ASTN2: variants seen among roughly 807,000 people sequenced by gnomAD.
ASTN2 encodes the protein astrotactin-2.
In ASTN2, 54 loss-of-function variants were observed where a neutral mutation model predicts 139.8. The ratio of observed to expected loss-of-function variants is 0.39; its 90% CI spans 0.31 to 0.48. The LOEUF is 0.48. ASTN2 is among the 20% of genes least tolerant of loss of function. The pLI is 0.95. For synonymous variants in ASTN2, 756 were observed against 719.5 expected (o/e 1.05, Z -0.81); for missense variants, 1,565 against 1,725.1 (o/e 0.91, Z 1.64).
At chr9:117,388,705 C>T (rs1830466505) in intron 1 of ASTN2, among the ~76,000 whole-genome samples, 1 of 152,148 alleles carries the variant, frequency 6.6e-6, no homozygotes, top group Non-Finnish European at 1.5e-5. Flanking sequence ...TCAACCACAG[C>T]CTGTGACGGC....
At chr9:117,183,949 T>C (rs1831135809) in intron 3 of ASTN2, among the ~76,000 whole-genome samples, 1 of 152,150 alleles carries the variant, frequency 6.6e-6, no homozygotes, top group Non-Finnish European at 1.5e-5. Flanking sequence ...CAGAAATTGC[T>C]TTCTCCTCTG....
chr9:116,680,603 A>C (rs1228241322), intron 16 of ASTN2, among the ~76,000 whole-genome samples: 6 of 152,258 alleles, frequency 3.9e-5, no homozygotes, highest in Non-Finnish European at 8.8e-5. Context: ...ATCCTTGATA[A>C]ACATTGATGC....
chr9:116,644,159 G>A (rs936121282), intron 17 of ASTN2, among the ~76,000 whole-genome samples: 2 of 152,226 alleles, frequency 1.3e-5, no homozygotes, highest in Non-Finnish European at 2.9e-5. Context: ...GAGGGGGTGA[G>A]ACTTGGCTGT....
At chr9:116,961,395 C>A (rs958458502) in intron 10 of ASTN2, among the ~76,000 whole-genome samples, 2 of 152,108 alleles carry the variant, frequency 1.3e-5, no homozygotes, top group Non-Finnish European at 2.9e-5. Context: ...CCCAACTCTC[C>A]GCAACCACTA....
intron 19 of ASTN2, chr9:116,546,192 A>T (rs897913251): frequency 6.6e-6 from 1 of 152,248 alleles, no homozygotes; most frequent in Non-Finnish European, 1.5e-5. Context: ...GGACTGCAGA[A>T]GTTGGGTATT....
chr9:117,006,415 C>T (rs573063051), intron 7 of ASTN2, among the ~76,000 whole-genome samples: 2 of 152,242 alleles, frequency 1.3e-5, no homozygotes, highest in East Asian at 1.9e-4. Context: ...TCTTTGACTC[C>T]ACTCTATTTC....
intron 2 of ASTN2, among the ~76,000 whole-genome samples, chr9:117,225,701 T>C (rs1459025670): frequency 1.3e-5 from 2 of 151,018 alleles, no homozygotes; most frequent in African/African-American, 4.9e-5. Flanking sequence ...CACCTACCAG[T>C]AATGGGACCT....
chr9:117,306,867 T>C (rs953318616), intron 1 of ASTN2, among the ~76,000 whole-genome samples: 1 of 152,102 alleles, frequency 6.6e-6, no homozygotes, highest in Admixed American at 6.5e-5. Context: ...CTAATTCCTA[T>C]CTACTATGTG....
chr9:116,850,421 A>T (rs1536426), intron 11 of ASTN2, among the ~76,000 whole-genome samples: 126,216 of 152,076 alleles, frequency 0.83, 52,531 homozygotes, highest in East Asian at 0.96. Flanking sequence ...CTGGGAAGCC[A>T]GACCCCAGAA....
At chr9:116,558,706 T>C (rs1852757528) in intron 19 of ASTN2, among the ~76,000 whole-genome samples, 1 of 152,194 alleles carries the variant, frequency 6.6e-6, no homozygotes, top group Admixed American at 6.5e-5. Flanking sequence ...ATTCAGCTCA[T>C]CCTCAATCTT....
chr9:116,592,284 G>A (rs1405247822), intron 19 of ASTN2, among the ~76,000 whole-genome samples: 1 of 152,152 alleles, frequency 6.6e-6, no homozygotes, highest in Non-Finnish European at 1.5e-5. Context: ...AAGCGTGGCT[G>A]AGGAGGCCTC....
intron 19 of ASTN2, among the ~76,000 whole-genome samples, chr9:116,608,294 T>C (rs1855320080): frequency 6.6e-6 from 1 of 152,164 alleles, no homozygotes; most frequent in Non-Finnish European, 1.5e-5. Context: ...TGTATGTACA[T>C]GAGAAATCTC....
intron 1 of ASTN2, among the ~76,000 whole-genome samples, chr9:117,372,061 A>G (rs1024652776): frequency 2.0e-5 from 3 of 152,100 alleles, no homozygotes; most frequent in African/African-American, 7.2e-5. Flanking sequence ...AATCTTTAAC[A>G]CTACTTGGCA....
chr9:116,719,856 G>A (rs1172862056), intron 16 of ASTN2, among the ~76,000 whole-genome samples: 2 of 152,088 alleles, frequency 1.3e-5, no homozygotes, highest in African/African-American at 2.4e-5. Flanking sequence ...GCCTCACACA[G>A]GAAGCAGACA....
intron 2 of ASTN2, among the ~76,000 whole-genome samples, chr9:117,273,914 T>G (rs891429868): frequency 6.6e-6 from 1 of 152,170 alleles, no homozygotes; most frequent in Admixed American, 6.5e-5. Context: ...ACAACCTCAT[T>G]TTTCACTTTG....
At chr9:116,733,112 T>G (rs1317855486) in intron 14 of ASTN2, among the ~76,000 whole-genome samples, 5 of 152,192 alleles carry the variant, frequency 3.3e-5, no homozygotes, top group African/African-American at 1.2e-4. Context: ...TTGAGACTCA[T>G]TCACAGAGGC....
chr9:116,437,637 C>T, intron 22 of ASTN2: 2 of 468,822 alleles, frequency 4.3e-6, no homozygotes, highest in South Asian at 3.1e-5. Context: ...AGCTTCCACA[C>T]AAACTCCCTG....
At chr9:117,200,439 C>T (rs897665089) in intron 3 of ASTN2, among the ~76,000 whole-genome samples, 1 of 152,092 alleles carries the variant, frequency 6.6e-6, no homozygotes, top group African/African-American at 2.4e-5. Context: ...TTGCCTTCTA[C>T]TGGTTTTCAA....
At chr9:116,492,790 A>G (rs1849557001) in intron 19 of ASTN2, among the ~76,000 whole-genome samples, 1 of 152,184 alleles carries the variant, frequency 6.6e-6, no homozygotes, top group Non-Finnish European at 1.5e-5. Flanking sequence ...TGAGAAAGAC[A>G]CAAAGTCTCC....
Sources: gnomAD v4.1 joint callset for allele counts (sites outside exome capture counted in the v4.1 genomes callset) on GRCh38, gnomAD v4.1.1 for gene constraint, MANE v1.5 for transcripts, NCBI Gene and HGNC (gene_info 2026-07-23, HGNC 2026-07-21) for gene names.